The following CACNA1H variants were observed in gnomAD, a reference collection of about 807,000 sequenced individuals.
CACNA1H encodes the protein voltage-dependent T-type calcium channel subunit alpha-1H.
A neutral mutation model predicts 192.5 loss-of-function variants in CACNA1H; 149 were observed. The ratio of observed to expected loss-of-function variants is 0.77; its 90% CI spans 0.68 to 0.89. The LOEUF is 0.89. Among genes scored for constraint, CACNA1H ranks in the 40% least tolerant of loss-of-function variants. CACNA1H has a pLI of 0.00. For missense variants in CACNA1H, 4,257 were observed against 3,423.5 expected (o/e 1.24, Z -6.08); for synonymous variants, 2,202 against 1,475.2 (o/e 1.49, Z -11.29).
Position 1,210,367 on chromosome 16 carries a change from C to G in CACNA1H, c.3846-3C>G. On this transcript the variant is annotated splice_polypyrimidine_tract_variant and splice_region_variant and intron_variant, in intron 18 of 34. Coordinates refer to ENST00000348261, the MANE Select transcript of CACNA1H (RefSeq NM_021098.3). ...CACCTCTCACCCGCCCCCGCCCACC[C>G]AGGTTCCGCGTCTCCTGCCAGAAGG... 1 of 1,533,350 alleles carries G rather than the reference C, an allele frequency of 6.5e-7. No individual in the cohort carries two copies. The allele number at this position is 1,533,350 out of a possible 1,614,324, so 95.0% of individuals were successfully genotyped here.
Position 1,209,290 on chromosome 16 carries a change from G to A in CACNA1H, c.3622G>A (p.Ala1208Thr), listed in dbSNP as rs58394372. The change falls in exon 17 of 35, where the codon GCC becomes ACC. Residue 1208 changes from alanine to threonine, a missense_variant. Transcript: ENST00000348261. ...SLDPRPLRPA[A>T]LPPTKCRDRD... ...GGACCCACGGCCCCTGCGGCCGGCC[G>A]CCCTCCCGCCTACCAAGTGCCGCGA... is the stretch of plus-strand genomic sequence containing the variant. 6.3e-4 allele frequency: 998 copies of A among 1,577,374 alleles called. 3 individuals carry two copies. The highest frequency in any genetic ancestry group is 5.7e-3 in the African/African-American group (422 of 74,432).
At chr16:1,194,886 C>T (rs574175281) in intron 2 of CACNA1H, 86 bp from the exon 3 acceptor site, 15 of 973,678 alleles carry the variant, frequency 1.5e-5, no homozygotes, top group South Asian at 9.0e-5. Context: ...CGTGGCGGGG[C>T]TCCGGCTGAC....
intron 5 of CACNA1H, among the ~76,000 whole-genome samples, chr16:1,196,383 G>A (rs1966975144): frequency 6.6e-6 from 1 of 152,256 alleles, no homozygotes; most frequent in African/African-American, 2.4e-5. Flanking sequence ...GCATCCTGGT[G>A]TGGCTCGTGG....
At chr16:1,155,154 T>C (rs1228778458) in intron 2 of CACNA1H, among the ~76,000 whole-genome samples, 2 of 152,244 alleles carry the variant, frequency 1.3e-5, no homozygotes, top group Non-Finnish European at 2.9e-5. Context: ...AGCCCGTGTT[T>C]CTCCTTTCTC....
chr16:1,218,525 G>A lies in CACNA1H; in HGVS notation c.5761G>A (p.Val1921Met), dbSNP rs1031251206. 7.7e-6 allele frequency: 12 copies of A among 1,555,114 alleles called. No homozygotes were observed. The highest frequency in any genetic ancestry group is 1.4e-5 in the African/African-American group (1 of 73,424). The change falls in exon 33 of 35, where the codon GTG becomes ATG. Residue 1921 changes from valine to methionine, a missense_variant. By Grantham distance (21) the Val-to-Met change is conservative. Transcript: ENST00000348261. ...AAACCTGGTTGCACGCAAGGTGTCCGTGTCCAGGATGCTCTCGCTGCCCAA... is the reference window on the plus strand; with the variant it reads ...AAACCTGGTTGCACGCAAGGTGTCCATGTCCAGGATGCTCTCGCTGCCCAA... Reference protein sequence around the residue: ...APNLVARKVSVSRMLSLPNDS... With the variant: ...APNLVARKVSMSRMLSLPNDS...
chr16:1,211,667 G>A lies in CACNA1H; in HGVS notation c.4477-49G>A, dbSNP rs549885007. The stretch of plus-strand genomic sequence containing the variant: ...CAGGACACCCTGGAGCGAGAGGGCC[G>A]GCGACCCCAGCTCTAACCCTCGCCA... On this transcript the variant is annotated intron_variant, in intron 23 of 34. Transcript: ENST00000348261. 3.8e-4 allele frequency: 617 copies of A among 1,610,220 alleles called. 9 individuals are homozygous for A. In the South Asian group the frequency reaches 4.8e-3, roughly 13 times the overall value.
chr16:1,193,375 C>T (rs188654899), intron 2 of CACNA1H, among the ~76,000 whole-genome samples: 168 of 152,368 alleles, frequency 1.1e-3, no homozygotes, highest in African/African-American at 4.0e-3. Flanking sequence ...GGGCCTGGCA[C>T]GGCTTCCACA....
chr16:1,158,725 A>G (rs1291781935), intron 2 of CACNA1H, among the ~76,000 whole-genome samples: 2 of 152,100 alleles, frequency 1.3e-5, no homozygotes, highest in African/African-American at 2.4e-5. Context: ...GCTGCCGGGC[A>G]TGTGACCTTG....
intron 11 of CACNA1H, among the ~76,000 whole-genome samples, chr16:1,205,530 A>G (rs189237598): frequency 2.6e-5 from 4 of 152,284 alleles, no homozygotes; most frequent in Admixed American, 2.0e-4. Flanking sequence ...GTTTCTAGAA[A>G]CTAGCGGAGC....
chr16:1,210,078 C>A lies in CACNA1H; in HGVS notation c.3788C>A (p.Pro1263His). The change falls in exon 18 of 35, where the codon CCC becomes CAC. Residue 1263 changes from proline to histidine, a missense_variant. Physicochemically the swap from Pro to His is moderately conservative, Grantham distance 77 (BLOSUM62 -2). Transcript: ENST00000348261. ...RLHKVLEPYK[P>H]QWCRSREAWA... is the part of the protein sequence containing the mutation. ...CATAAAGTGCTGGAGCCCTACAAGC[C>A]CCAGTGGTGCCGGAGCCGCGAGGCC... 1 of 1,559,086 alleles carries A rather than the reference C, an allele frequency of 6.4e-7. No homozygotes were observed. Among genetic ancestry groups the A allele is most frequent in the Non-Finnish European group, 8.7e-7 (1 of 1,152,318 alleles).
At chr16:1,191,210 GC>G (rs1222033080) in intron 2 of CACNA1H, among the ~76,000 whole-genome samples, 1 of 83,926 alleles carries the variant, frequency 1.2e-5, no homozygotes, top group Non-Finnish European at 2.1e-5. Context: ...CAGCAGGCTG[GC>G]CTGGCTGTGT....
intron 14 of CACNA1H, 67 bp downstream of exon 14, chr16:1,207,497 G>A: frequency 6.5e-7 from 1 of 1,533,682 alleles, no homozygotes. Context: ...TTCAGGTCGA[G>A]GGGAGGGGTG....
chr16:1,178,355 C>G (rs1430001610), intron 2 of CACNA1H, among the ~76,000 whole-genome samples: 1 of 144,632 alleles, frequency 6.9e-6, no homozygotes, highest in South Asian at 2.3e-4. Context: ...CCCCCATATT[C>G]ATATCTCAGA....
intron 5 of CACNA1H, among the ~76,000 whole-genome samples, chr16:1,198,228 C>T (rs1026198585): frequency 2.0e-5 from 3 of 152,124 alleles, no homozygotes; most frequent in Non-Finnish European, 2.9e-5. Flanking sequence ...ATCCCGAGCC[C>T]GAGATGCCAC....
At chr16:1,177,365 G>A (rs974606573) in intron 2 of CACNA1H, among the ~76,000 whole-genome samples, 5 of 152,212 alleles carry the variant, frequency 3.3e-5, no homozygotes, top group Non-Finnish European at 7.3e-5. Flanking sequence ...TGAAGTTCAG[G>A]GCCGAGGGCC....
intron 2 of CACNA1H, among the ~76,000 whole-genome samples, chr16:1,168,096 C>T (rs148908321): frequency 9.2e-5 from 14 of 152,238 alleles, no homozygotes; most frequent in Middle Eastern, 6.8e-3. Flanking sequence ...GCCTGTACCC[C>T]GAGAGGTGGA....
At chr16:1,202,602 A>T (rs1180260169) in intron 9 of CACNA1H, 150 bp downstream of exon 9, 2 of 732,810 alleles carry the variant, frequency 2.7e-6, no homozygotes, top group Non-Finnish European at 4.2e-6. Flanking sequence ...TCTGGAGCCC[A>T]TAAGAAGGGG....
chr16:1,201,171 C>T lies in CACNA1H; in HGVS notation c.1212+363C>T, dbSNP rs374631859. Among the ~76,000 whole-genome samples the T allele has an allele frequency of 2.1e-3, 322 of 152,268 alleles. 2 individuals carry two copies. Among genetic ancestry groups the T allele is most frequent in the African/African-American group, 7.2e-3 (299 of 41,548 alleles). On this transcript the variant is annotated intron_variant, in intron 8 of 34. Coordinates refer to ENST00000348261, the MANE Select transcript of CACNA1H (RefSeq NM_021098.3). ...TCCTGGCAGAGTTGGGTTAATCAGG[C>T]CGCAGACGTCTGTGGGGTCCTAGGT...
rs557192491 is a variant in CACNA1H, at chr16:1,220,400, C to T, written c.6468C>T (p.Pro2156=). The change falls in exon 35 of 35, where the codon CCC becomes CCT. Residue 2156 remains proline (P), a synonymous_variant. Transcript: ENST00000348261. ...KPGRADEQWR[P]SAELGSGEPG... ...GCCGGGCAGACGAGCAGTGGCGGCC[C>T]TCGGCGGAGCTGGGCAGCGGGGAGC... The T allele has an allele frequency of 1.1e-5, 17 of 1,523,244 alleles. No individual in the cohort carries two copies. Among genetic ancestry groups the T allele is most frequent in the African/African-American group, 9.9e-5 (7 of 70,570 alleles). 94.4% of individuals were successfully genotyped at this position (1,523,244 alleles called of 1,614,324 possible).
Sources: gnomAD v4.1 joint callset for allele counts (sites outside exome capture counted in the v4.1 genomes callset) on GRCh38, gnomAD v4.1.1 for gene constraint, MANE v1.5 for transcripts, NCBI Gene and HGNC (gene_info 2026-07-23, HGNC 2026-07-21) for gene names.